WSCD1: variants seen among roughly 807,000 people sequenced by gnomAD.
WSCD1 encodes the protein sialate:O-sulfotransferase 1.
Under a neutral mutation model 60.4 loss-of-function variants are expected in WSCD1, and 41 were observed. The ratio of observed to expected loss-of-function variants is 0.68; its 90% CI spans 0.53 to 0.88. WSCD1 has a LOEUF of 0.88. Among genes scored for constraint, WSCD1 ranks in the 40% least tolerant of loss-of-function variants. The pLI is 0.00. For synonymous variants in WSCD1, 361 were observed against 332.5 expected (o/e 1.09, Z -0.93); for missense variants, 784 against 796.2 (o/e 0.98, Z 0.18).
At chr17:6,106,509 A>T (rs1233783721) in intron 5 of WSCD1, among the ~76,000 whole-genome samples, 1 of 152,236 alleles carries the variant, frequency 6.6e-6, no homozygotes, top group African/African-American at 2.4e-5. Flanking sequence ...GCACACAAAA[A>T]ACATGTGCTG....
intron 5 of WSCD1, among the ~76,000 whole-genome samples, chr17:6,105,743 C>T (rs889009113): frequency 1.3e-5 from 2 of 152,186 alleles, no homozygotes; most frequent in African/African-American, 2.4e-5. Context: ...GGGGCATCAA[C>T]GTCAGTGGGG....
At chr17:6,084,862 T>A (rs1909523375) in intron 2 of WSCD1, 1 of 152,204 alleles carries the variant, frequency 6.6e-6, no homozygotes, top group South Asian at 2.1e-4. Context: ...TTCTCGCCTC[T>A]GTCGGGGAGT....
intron 1 of WSCD1, among the ~76,000 whole-genome samples, chr17:6,078,616 G>C (rs1217394048): frequency 6.6e-6 from 1 of 152,170 alleles, no homozygotes; most frequent in African/African-American, 2.4e-5. Context: ...GTGCATGTGA[G>C]ATGGGGAAGC....
rs968299691 is a variant in WSCD1 at position 6,101,124 on chromosome 17, C to T, written c.849+5901C>T. On this transcript the variant is annotated intron_variant, in intron 5 of 8. Transcript: ENST00000317744. The surrounding 1 kb of genome is among the most constrained non-coding windows in gnomAD (Gnocchi z 4.1). ...TTTGCCTGCTCTGAAGTGCCAAGCA[C>T]GTCCTCTCTGGAAAGGCCAGTGGTG... Among the ~76,000 whole-genome samples the T allele has an allele frequency of 5.3e-5, 8 of 152,088 alleles. No individual in the cohort carries two copies. Among genetic ancestry groups the T allele is most frequent in the Non-Finnish European group, 1.0e-4 (7 of 68,030 alleles).
chr17:6,091,889 G>A (rs1017955505), intron 4 of WSCD1, among the ~76,000 whole-genome samples: 1 of 152,212 alleles, frequency 6.6e-6, no homozygotes, highest in Non-Finnish European at 1.5e-5. Context: ...GGGCGCGGTG[G>A]CTCACGCCTG....
chr17:6,098,764 T>C (rs1910610256), intron 5 of WSCD1, among the ~76,000 whole-genome samples: 1 of 152,202 alleles, frequency 6.6e-6, no homozygotes, highest in South Asian at 2.1e-4. Context: ...AAAGTGGGTA[T>C]TGGCAGCGCA....
chr17:6,110,671 A>G lies in WSCD1; in HGVS notation c.1010-100A>G. 1 of 1,437,474 alleles carries G rather than the reference A, an allele frequency of 7.0e-7. No individual in the cohort carries two copies. The allele number at this position is 1,437,474 out of a possible 1,614,324, so 89.0% of individuals were successfully genotyped here. ...GGGCCTTGGTTCCCCCATCTATTAA[A>G]TGGGAGTCTTCGTTCATCAGTTCCT... On this transcript the variant is annotated intron_variant, in intron 6 of 8. Coordinates refer to ENST00000317744, the MANE Select transcript of WSCD1 (RefSeq NM_015253.2). This position sits in a 1 kb window ranked among gnomAD's most constrained non-coding sequence, Gnocchi z 4.8.
chr17:6,104,392 A>G (rs997387308), intron 5 of WSCD1, among the ~76,000 whole-genome samples: 2 of 152,170 alleles, frequency 1.3e-5, no homozygotes, highest in Non-Finnish European at 2.9e-5. Flanking sequence ...CCTTTTACAG[A>G]TGATAAAGCC....
chr17:6,089,598 G>A (rs1909893100), intron 3 of WSCD1, among the ~76,000 whole-genome samples: 1 of 152,190 alleles, frequency 6.6e-6, no homozygotes, highest in Admixed American at 6.5e-5. Context: ...GCTCACCATG[G>A]GAAGCTGTTA....
At chr17:6,107,650 G>T (rs967912544) in intron 5 of WSCD1, among the ~76,000 whole-genome samples, 1 of 152,198 alleles carries the variant, frequency 6.6e-6, no homozygotes, top group Non-Finnish European at 1.5e-5. Context: ...CAGATGGGCC[G>T]CCGTGTGCCG....
At chr17:6,102,308 G>A (rs1910855127) in intron 5 of WSCD1, among the ~76,000 whole-genome samples, 1 of 152,214 alleles carries the variant, frequency 6.6e-6, no homozygotes, top group Admixed American at 6.5e-5. Flanking sequence ...TCTATCCAAG[G>A]TAGCCTTATG....
intron 5 of WSCD1, among the ~76,000 whole-genome samples, chr17:6,105,104 C>T (rs1247665846): frequency 6.6e-6 from 1 of 152,202 alleles, no homozygotes; most frequent in East Asian, 1.9e-4. Context: ...AAGCCTCCCG[C>T]ATGTGGATCC....
At position 6,075,025 on chromosome 17, in the gene WSCD1, G is replaced by A. The variant is rs149843067; in HGVS notation, c.-289+4373G>A. On this transcript the variant is annotated intron_variant, in intron 1 of 8. Transcript: ENST00000317744. This position sits in a 1 kb window ranked among gnomAD's most constrained non-coding sequence, Gnocchi z 4.1. ...GGAGGCTCCTGCATGTACTCTGCCC[G>A]GGTCCTGAAGCTGAGACCCCCTGGC... 5.0e-3 allele frequency among the ~76,000 whole-genome samples: 757 copies of A among 152,196 alleles called. 6 individuals carry two copies. The highest frequency in any genetic ancestry group is 0.017 in the African/African-American group (725 of 41,530).
intron 1 of WSCD1, among the ~76,000 whole-genome samples, chr17:6,079,953 C>T (rs184300896): frequency 6.6e-6 from 1 of 152,278 alleles, no homozygotes; most frequent in East Asian, 1.9e-4. Flanking sequence ...ATCTGTGTAA[C>T]AGGGATATGA....
chr17:6,075,548 G>T lies in WSCD1; in HGVS notation c.-288-4823G>T, dbSNP rs887050027. Among the ~76,000 whole-genome samples, 1 of 152,106 alleles carries T rather than the reference G, an allele frequency of 6.6e-6. No individual in the cohort carries two copies. Among genetic ancestry groups the T allele is most frequent in the African/African-American group, 2.4e-5 (1 of 41,400 alleles). ...CAACAAAGTAATAGACAAAAGCTCA[G>T]GTTGTCTGAATATCCAGGTGCTCTG... On this transcript the variant is annotated intron_variant, in intron 1 of 8. Transcript: ENST00000317744. The surrounding 1 kb of genome is among the most constrained non-coding windows in gnomAD (Gnocchi z 4.1).
rs1166268650 is a variant in WSCD1 at position 6,124,115 on chromosome 17, T to A, written c.*3454T>A. 6.6e-6 allele frequency: 1 copy of A among 152,232 alleles called. No individual in the cohort carries two copies. The highest frequency in any genetic ancestry group is 1.5e-5 in the Non-Finnish European group (1 of 68,050). The allele number at this position is 152,232 out of a possible 1,614,324, so 9.4% of individuals were successfully genotyped here. On this transcript the variant is annotated 3_prime_UTR_variant, in exon 9 of 9. Coordinates refer to ENST00000317744, the MANE Select transcript of WSCD1 (RefSeq NM_015253.2). ...TATGGTGACTGGGTTAGGTATGATC[T>A]TGTGAGTTAAGACAATGAAGCCAGA...
At position 6,080,921 on chromosome 17, in the gene WSCD1, T is replaced by G. The variant is rs766872825; in HGVS notation, c.263T>G (p.Leu88Arg). 6.9e-6 allele frequency: 11 copies of G among 1,592,306 alleles called. No individual in the cohort carries two copies. The highest frequency in any genetic ancestry group is 9.4e-6 in the Non-Finnish European group (11 of 1,174,080). The stretch of plus-strand genomic sequence containing the variant: ...GAGCTGCTGCTGGGTGTGGACATGC[T>G]GCAGAGCCCCCTGACCCGGCCCCGG... ...SPELLLGVDM[L>R]QSPLTRPRPG... Residue 88 changes from leucine (L) to arginine (R), a missense_variant, in exon 2 of 9, where the codon CTG (leucine) becomes CGG (arginine). Leu to Arg is a moderately radical substitution (Grantham distance 102). Coordinates refer to ENST00000317744, the MANE Select transcript of WSCD1 (RefSeq NM_015253.2). The surrounding 1 kb of genome is among the most constrained non-coding windows in gnomAD (Gnocchi z 6.6).
intron 1 of WSCD1, among the ~76,000 whole-genome samples, chr17:6,072,154 T>C (rs1908583692): frequency 6.6e-6 from 1 of 152,244 alleles, no homozygotes; most frequent in Non-Finnish European, 1.5e-5. Flanking sequence ...CCCTATGGGG[T>C]ACTGCCCTGT....
At chr17:6,099,761 T>C (rs6502908) in intron 5 of WSCD1, among the ~76,000 whole-genome samples, 151,201 of 152,244 alleles carry the variant, frequency 0.99, 75,090 homozygotes, top group East Asian at 1. Context: ...CAGACACCGC[T>C]TCCTCCAGCA....
Sources: allele counts gnomAD v4.1 joint callset (sites outside exome capture counted in the v4.1 genomes callset), GRCh38; gene constraint gnomAD v4.1.1; non-coding constraint Gnocchi (gnomAD v3.1); transcripts MANE v1.5; gene names NCBI Gene and HGNC (gene_info 2026-07-23, HGNC 2026-07-21).